Variants in CEP57 observed in about 807,000 individuals in gnomAD.
The protein encoded by CEP57 is centrosomal protein of 57 kDa.
In CEP57, 40 loss-of-function variants were observed where a neutral mutation model predicts 68.0. That is an observed-to-expected ratio of 0.59 (90% CI 0.46 to 0.77). The LOEUF is 0.77. CEP57 is among the 30% of genes least tolerant of loss of function. The probability of loss-of-function intolerance (pLI) is 0.00; values close to 1 mark genes in which losing one functional copy is unlikely to be tolerated. For synonymous variants in CEP57, 219 were observed against 198.7 expected, an observed-to-expected ratio of 1.10 and a Z score of -0.86; for missense variants, 606 against 580.7, an observed-to-expected ratio of 1.04 and a Z score of -0.45.
chr11:95,798,194 A>T (rs1163937790), intron 1 of CEP57, among the ~76,000 whole-genome samples: 2 of 152,206 alleles, frequency 1.3e-5, no homozygotes, highest in Non-Finnish European at 2.9e-5. Context: ...TGATTGTCAT[A>T]GCCATAGTGT....
At chr11:95,801,521 A>G (rs1034308838) in intron 2 of CEP57, among the ~76,000 whole-genome samples, 2 of 152,088 alleles carry the variant, frequency 1.3e-5, no homozygotes, top group South Asian at 2.1e-4. Flanking sequence ...TTTCTTATTC[A>G]AAAATAAGCA....
At chr11:95,812,773 C>G (rs981956402) in intron 2 of CEP57, 159 bp from the exon 3 acceptor site, 1 of 722,334 alleles carries the variant, frequency 1.4e-6, no homozygotes, top group Non-Finnish European at 2.4e-6. Flanking sequence ...TTTTAAAAAA[C>G]AAATATGAGA....
intron 1 of CEP57, 49 bp downstream of exon 1, chr11:95,790,792 CTT>C (rs149914918): frequency 0.01 from 16,311 of 1,605,628 alleles, 181 homozygotes; most frequent in Non-Finnish European, 9.6e-3. Context: ...CTAAGCGCCT[CTT>C]TGAGTTTCCT....
In CEP57 at chr11:95,818,813, ATT is replaced by A; in HGVS notation, c.622-10_622-9del. ...ATTTTTCACCTTTATCCCTTTTGAC[ATT>A]TTTATCACTAGAAAAAAATGCAAGA... On this transcript the variant is annotated splice_polypyrimidine_tract_variant and intron_variant, in intron 5 of 10. Coordinates refer to ENST00000325542, the MANE Select transcript of CEP57 (RefSeq NM_014679.5). 1 of 1,610,434 alleles carries A rather than the reference ATT, an allele frequency of 6.2e-7. No homozygotes were observed. The highest frequency in any genetic ancestry group is 1.1e-5 in the South Asian group (1 of 91,010).
chr11:95,817,729 G>A, intron 4 of CEP57, 58 bp from the exon 5 acceptor site: 1 of 1,143,838 alleles, frequency 8.7e-7, no homozygotes, highest in Non-Finnish European at 1.3e-6. Flanking sequence ...ACACTGCTCA[G>A]TGTTTTTCTC....
chr11:95,820,205 A>G (rs1862463107), intron 6 of CEP57, among the ~76,000 whole-genome samples: 1 of 152,156 alleles, frequency 6.6e-6, no homozygotes, highest in South Asian at 2.1e-4. Flanking sequence ...ACCAAATTAG[A>G]TGTTGCTGGT....
intron 2 of CEP57, among the ~76,000 whole-genome samples, chr11:95,805,101 A>G (rs764586363): frequency 1.8e-4 from 27 of 152,230 alleles, no homozygotes; most frequent in Non-Finnish European, 3.7e-4. Flanking sequence ...AAGTGCAGAA[A>G]TAAAGTATCA....
At chr11:95,790,408 T>C (rs114370202), upstream of CEP57, 1 of 520,226 alleles carries the variant, frequency 1.9e-6, no homozygotes, top group Non-Finnish European at 3.5e-6. Flanking sequence ...CCTTGTGACG[T>C]CACCAGGGAA....
At chr11:95,808,285 G>A (rs905789690) in intron 2 of CEP57, among the ~76,000 whole-genome samples, 35 of 151,906 alleles carry the variant, frequency 2.3e-4, no homozygotes, top group South Asian at 8.4e-4. Context: ...AAAGACCATC[G>A]AGACTAGGAA....
intron 8 of CEP57, among the ~76,000 whole-genome samples, chr11:95,823,851 A>G (rs1177160583): frequency 6.6e-6 from 1 of 152,128 alleles, no homozygotes; most frequent in East Asian, 1.9e-4. Context: ...TAGCAGTTCC[A>G]TATTTTCCAT....
chr11:95,805,109 T>C (rs995748725), intron 2 of CEP57, among the ~76,000 whole-genome samples: 1 of 152,214 alleles, frequency 6.6e-6, no homozygotes, highest in Non-Finnish European at 1.5e-5. Flanking sequence ...AAATAAAGTA[T>C]CAGCAACATT....
chr11:95,829,803 T>C (rs1004937543), intron 10 of CEP57, among the ~76,000 whole-genome samples: 9 of 152,134 alleles, frequency 5.9e-5, no homozygotes, highest in African/African-American at 2.2e-4. Flanking sequence ...TTCATATATT[T>C]AAGAGATTAC....
intron 8 of CEP57, chr11:95,823,243 C>A (rs567681363): frequency 1.4e-4 from 21 of 152,416 alleles, no homozygotes; most frequent in African/African-American, 4.8e-4. Context: ...TTATTTTAAA[C>A]CCCTAGTAAA....
intron 2 of CEP57, among the ~76,000 whole-genome samples, chr11:95,810,884 A>G (rs936521308): frequency 2.0e-5 from 3 of 152,178 alleles, no homozygotes; most frequent in Non-Finnish European, 4.4e-5. Context: ...AACAGCCCAC[A>G]TTACCAAGAC....
At chr11:95,814,970 T>C (rs1436626639) in intron 4 of CEP57, 1 of 152,378 alleles carries the variant, frequency 6.6e-6, no homozygotes, top group East Asian at 1.9e-4. Context: ...TCTAGATTAC[T>C]TATAACACCT....
intron 9 of CEP57, among the ~76,000 whole-genome samples, chr11:95,828,504 T>C (rs954516827): frequency 3.9e-5 from 6 of 152,206 alleles, no homozygotes; most frequent in Non-Finnish European, 7.3e-5. Context: ...AAAAATATGA[T>C]ACTAAAGTCT....
At chr11:95,812,755 A>C in intron 2 of CEP57, 177 bp from the exon 3 acceptor site, 1 of 644,618 alleles carries the variant, frequency 1.6e-6, no homozygotes, top group Non-Finnish European at 2.7e-6. Context: ...AATGTCTTTA[A>C]ATTGATTTTT....
intron 8 of CEP57, 170 bp from the exon 9 acceptor site, chr11:95,827,616 G>GATTT: frequency 1.3e-6 from 1 of 746,702 alleles, no homozygotes; most frequent in Non-Finnish European, 2.2e-6. Context: ...ATAGTTAGTG[G>GATTT]ATTTATATCA....
At chr11:95,820,028 C>T (rs1862457502) in intron 6 of CEP57, among the ~76,000 whole-genome samples, 2 of 152,120 alleles carry the variant, frequency 1.3e-5, no homozygotes, top group African/African-American at 4.8e-5. Context: ...TTTCCATTTC[C>T]ATACTTGTAA....
Sources: allele counts gnomAD v4.1 joint callset (sites outside exome capture counted in the v4.1 genomes callset), GRCh38; gene constraint gnomAD v4.1.1; transcripts MANE v1.5; gene names NCBI Gene and HGNC (gene_info 2026-07-23, HGNC 2026-07-21).